Variants in NR6A1 observed in about 807,000 individuals in gnomAD.
NR6A1 encodes the protein retinoic acid receptor-related testis-associated receptor.
NR6A1 carries 7 observed loss-of-function variants against 59.1 expected under a neutral mutation model. That is an observed-to-expected ratio of 0.12 (90% CI 0.07 to 0.22). The LOEUF (loss-of-function observed/expected upper bound fraction) is 0.22, where lower values mean the gene tolerates loss of function less well. Ranked by LOEUF, NR6A1 falls within the 10% of genes least tolerant of loss-of-function variation. The pLI is 1.00. For missense variants in NR6A1, 468 were observed against 611.6 expected, an observed-to-expected ratio of 0.77 and a Z score of 2.48; for synonymous variants, 243 against 236.1, an observed-to-expected ratio of 1.03 and a Z score of -0.27.
rs571596148 is a variant in NR6A1 at position 124,664,289 on chromosome 9, G to C, written c.142+69019C>G. On this transcript the variant is annotated intron_variant, in intron 2 of 9. Transcript: ENST00000487099. ...ATTCTCTAAAGCAAACAGCGGAAGT[G>C]TAAGGGAGATTGTGCGATGTAGTTT... Among the ~76,000 whole-genome samples the C allele has an allele frequency of 2.0e-5, 3 of 152,348 alleles. No individual in the cohort carries two copies. In the South Asian group the frequency reaches 6.2e-4, roughly 32 times the overall value.
intron 2 of NR6A1, 108 bp from the exon 3 acceptor site, chr9:124,554,678 C>A: frequency 1.4e-6 from 2 of 1,426,896 alleles, no homozygotes; most frequent in Admixed American, 1.9e-5. Context: ...TATCTCCAGG[C>A]TAAAGGGCAA....
chr9:124,711,617 C>T (rs967117937), intron 2 of NR6A1, among the ~76,000 whole-genome samples: 2 of 152,070 alleles, frequency 1.3e-5, no homozygotes, highest in East Asian at 3.9e-4. Flanking sequence ...CCTTCTCACC[C>T]CATCCCCAAA....
rs77518605 is a variant in NR6A1, at chr9:124,520,322, A to C, written c.*2383T>G. ...GGTCAGGCTCCGGCTCGGAACACAC[A>C]GCCACTTTGCTCTGAGATTCTGCAG... is the stretch of plus-strand genomic sequence containing the variant. On this transcript the variant is annotated 3_prime_UTR_variant, in exon 10 of 10. Coordinates refer to ENST00000487099, the MANE Select transcript of NR6A1 (RefSeq NM_033334.4). 1 of 152,220 alleles carries C rather than the reference A, an allele frequency of 6.6e-6. No individual in the cohort carries two copies. Among genetic ancestry groups the C allele is most frequent in the East Asian group, 1.9e-4 (1 of 5,202 alleles). 9.4% of individuals were successfully genotyped at this position (152,220 alleles called of 1,614,324 possible). A position where few individuals can be genotyped will look rare whatever the true frequency, so the allele number is the denominator to read the frequency against.
At chr9:124,770,542 G>GAA (rs1841108088) in intron 1 of NR6A1, among the ~76,000 whole-genome samples, 1 of 151,036 alleles carries the variant, frequency 6.6e-6, no homozygotes. Flanking sequence ...CCCTGTAGGG[G>GAA]AAAAGAGAGG....
chr9:124,608,454 A>G (rs1835637447), intron 2 of NR6A1, among the ~76,000 whole-genome samples: 1 of 152,148 alleles, frequency 6.6e-6, no homozygotes, highest in Non-Finnish European at 1.5e-5. Context: ...CATCCAAAGG[A>G]GCGGCAAAGG....
chr9:124,724,754 C>A (rs1839662491), intron 2 of NR6A1, among the ~76,000 whole-genome samples: 1 of 152,210 alleles, frequency 6.6e-6, no homozygotes, highest in African/African-American at 2.4e-5. Flanking sequence ...TGTTGCTAAT[C>A]CAACTATTTA....
intron 2 of NR6A1, among the ~76,000 whole-genome samples, chr9:124,646,450 C>CA (rs1246167462): frequency 1.3e-5 from 2 of 151,822 alleles, no homozygotes; most frequent in Non-Finnish European, 1.5e-5. Context: ...CAATAAAGCT[C>CA]AAAAAAATGA....
At chr9:124,599,573 G>A in intron 2 of NR6A1, 1 of 1,029,820 alleles carries the variant, frequency 9.7e-7, no homozygotes, top group Non-Finnish European at 1.3e-6. Context: ...GTCCGTGGCA[G>A]CCGCCATGAG....
chr9:124,726,203 C>T (rs1344618646), intron 2 of NR6A1, among the ~76,000 whole-genome samples: 1 of 152,112 alleles, frequency 6.6e-6, no homozygotes, highest in African/African-American at 2.4e-5. Context: ...TAAGTAGTGA[C>T]TGTAACTGTG....
intron 2 of NR6A1, among the ~76,000 whole-genome samples, chr9:124,676,378 G>A (rs1837961254): frequency 6.6e-6 from 1 of 151,984 alleles, no homozygotes; most frequent in Non-Finnish European, 1.5e-5. Flanking sequence ...TCTGGTAAGG[G>A]CCCCGTACCA....
chr9:124,641,466 C>G (rs904899609), intron 2 of NR6A1, among the ~76,000 whole-genome samples: 1 of 152,030 alleles, frequency 6.6e-6, no homozygotes, highest in Non-Finnish European at 1.5e-5. Flanking sequence ...ACTTAGGAGG[C>G]CAAGGCAGGA....
chr9:124,762,753 C>G (rs937053464), intron 1 of NR6A1, among the ~76,000 whole-genome samples: 2 of 152,172 alleles, frequency 1.3e-5, no homozygotes, highest in Non-Finnish European at 2.9e-5. Flanking sequence ...TTGGAAAATA[C>G]TGAATTACTG....
chr9:124,607,870 C>A (rs945890094), intron 2 of NR6A1, among the ~76,000 whole-genome samples: 1 of 152,040 alleles, frequency 6.6e-6, no homozygotes, highest in Non-Finnish European at 1.5e-5. Context: ...CATAGCGTAA[C>A]CCTGTCTCTA....
chr9:124,730,291 G>A (rs1037251858), intron 2 of NR6A1, among the ~76,000 whole-genome samples: 2 of 152,134 alleles, frequency 1.3e-5, no homozygotes, highest in Non-Finnish European at 2.9e-5. Context: ...GAATGCAGTG[G>A]TGTGATCATG....
At chr9:124,732,852 A>G (rs929545926) in intron 2 of NR6A1, among the ~76,000 whole-genome samples, 1 of 152,046 alleles carries the variant, frequency 6.6e-6, no homozygotes, top group South Asian at 2.1e-4. Context: ...ACCCGCCACC[A>G]CGCCCGGCTG....
At chr9:124,651,925 CAA>C (rs1006758280) in intron 2 of NR6A1, among the ~76,000 whole-genome samples, 1 of 152,068 alleles carries the variant, frequency 6.6e-6, no homozygotes, top group Non-Finnish European at 1.5e-5. Flanking sequence ...TCCCAAGAAA[CAA>C]AGAGGCCCAA....
In NR6A1 at chr9:124,770,482, G is replaced by C. The variant is rs558628981; in HGVS notation, c.100+538C>G. On this transcript the variant is annotated intron_variant, in intron 1 of 9. Transcript: ENST00000487099. ...AGCTGAGCGGTACAAGGGTGCTGTG[G>C]AGTCGGGTCAACAGGGCAAGAAGGG... Among the ~76,000 whole-genome samples, 556 of 151,794 alleles carry C rather than the reference G, an allele frequency of 3.7e-3. 2 individuals carry two copies. The highest frequency in any genetic ancestry group is 5.6e-3 in the Non-Finnish European group (381 of 67,908).
rs201829520 is a variant in NR6A1, at chr9:124,733,363, A to T, written c.101-14T>A. On this transcript the variant is annotated splice_polypyrimidine_tract_variant and intron_variant, in intron 1 of 9. Transcript: ENST00000487099. ...CCTGACAGAAACCTAAAGAGAAAAC[A>T]ATAGGAAAAAAAATTACAATTTGTG... 1 of 1,607,388 alleles carries T rather than the reference A, an allele frequency of 6.2e-7. No individual in the cohort carries two copies. Among genetic ancestry groups the T allele is most frequent in the Non-Finnish European group, 8.5e-7 (1 of 1,174,290 alleles).
intron 1 of NR6A1, among the ~76,000 whole-genome samples, chr9:124,756,430 C>A (rs1840631985): frequency 6.6e-6 from 1 of 152,180 alleles, no homozygotes; most frequent in South Asian, 2.1e-4. Flanking sequence ...TACTTTCAAT[C>A]AACATAAACT....
Sources: gnomAD v4.1 joint callset for allele counts (sites outside exome capture counted in the v4.1 genomes callset) on GRCh38, gnomAD v4.1.1 for gene constraint, MANE v1.5 for transcripts, NCBI Gene and HGNC (gene_info 2026-07-23, HGNC 2026-07-21) for gene names.